The following CCDC50 variants were observed in gnomAD, a reference collection of about 807,000 sequenced individuals.
The protein encoded by CCDC50 is coiled-coil domain containing 50.
In CCDC50, 54 loss-of-function variants were observed where a neutral mutation model predicts 70.2. The ratio of observed to expected loss-of-function variants is 0.77; its 90% CI spans 0.62 to 0.96. The LOEUF is 0.96. Among genes scored for constraint, CCDC50 ranks in the 50% least tolerant of loss-of-function variants. The probability of loss-of-function intolerance (pLI) is 0.00; values close to 1 mark genes in which losing one functional copy is unlikely to be tolerated. For synonymous variants in CCDC50, 216 were observed against 198.8 expected (o/e 1.09, Z -0.73); for missense variants, 558 against 578.7 (o/e 0.96, Z 0.37).
intron 1 of CCDC50, among the ~76,000 whole-genome samples, chr3:191,338,011 T>C (rs1711576240): frequency 1.3e-5 from 2 of 152,124 alleles, no homozygotes; most frequent in African/African-American, 4.8e-5. Context: ...AGTGACCAAA[T>C]ACCAGGGGAG....
At chr3:191,332,211 C>T (rs1337885854) in intron 1 of CCDC50, among the ~76,000 whole-genome samples, 3 of 152,286 alleles carry the variant, frequency 2.0e-5, no homozygotes, top group East Asian at 1.9e-4. Context: ...TAAAAATCTT[C>T]TTTCCTAGGT....
At chr3:191,386,624 A>G (rs1291434638) in intron 10 of CCDC50, among the ~76,000 whole-genome samples, 2 of 152,206 alleles carry the variant, frequency 1.3e-5, no homozygotes, top group Non-Finnish European at 2.9e-5. Flanking sequence ...TAAACAACTT[A>G]AGCATAGTCT....
At chr3:191,335,706 T>C (rs1469328241) in intron 1 of CCDC50, among the ~76,000 whole-genome samples, 1 of 152,170 alleles carries the variant, frequency 6.6e-6, no homozygotes, top group Non-Finnish European at 1.5e-5. Context: ...AGTAAAGACT[T>C]TCTAATAAAC....
rs2108651358 is a variant in CCDC50, at chr3:191,361,076, C to A, written c.247C>A (p.Gln83Lys). Residue 83 changes from glutamine (Q) to lysine (K), a missense_variant, in exon 4 of 12, where the codon CAA becomes AAA. Transcript: ENST00000392455. ...TTCACCTTTGCTTTTTAGTGAACAA[C>A]AAGACTGTGAAATTGCTCAGGAAAT... The part of the protein sequence containing the change: ...LQKRYKDLEQ[Q>K]DCEIAQEIQE... 4 of 1,612,840 alleles carry A rather than the reference C, an allele frequency of 2.5e-6. No homozygotes were observed. The highest frequency in any genetic ancestry group is 3.3e-4 in the Middle Eastern group (2 of 6,058).
At chr3:191,378,322 G>A (rs1204293932) in intron 6 of CCDC50, among the ~76,000 whole-genome samples, 1 of 152,102 alleles carries the variant, frequency 6.6e-6, no homozygotes, top group Non-Finnish European at 1.5e-5. Flanking sequence ...ATGGAATATT[G>A]TCTTTGGTAG....
Position 191,391,771 on chromosome 3 carries a change from A to C in CCDC50, c.*11A>C, listed in dbSNP as rs1176309849. 6.2e-7 allele frequency: 1 copy of C among 1,611,300 alleles called. No individual in the cohort carries two copies. The highest frequency in any genetic ancestry group is 1.1e-5 in the South Asian group (1 of 90,996). ...CATTACAAACATTAAAAACCTAGGA[A>C]TCTGCCTTGAAAATGGACTCACTAT... On this transcript the variant is annotated 3_prime_UTR_variant, in exon 12 of 12. Coordinates refer to ENST00000392455, the MANE Select transcript of CCDC50 (RefSeq NM_178335.3).
chr3:191,371,609 G>A (rs1712915399), intron 5 of CCDC50, among the ~76,000 whole-genome samples: 1 of 152,090 alleles, frequency 6.6e-6, no homozygotes, highest in African/African-American at 2.4e-5. Flanking sequence ...TGTAGATAAT[G>A]GGATTATTAC....
Position 191,371,805 on chromosome 3 carries a change from A to G in CCDC50, c.448+1769A>G, listed in dbSNP as rs115896235. Among the ~76,000 whole-genome samples, 511 of 152,228 alleles carry G rather than the reference A, an allele frequency of 3.4e-3. 4 individuals are homozygous for G. Among genetic ancestry groups the G allele is most frequent in the African/African-American group, 0.012 (489 of 41,556 alleles). On this transcript the variant is annotated intron_variant, in intron 5 of 11. Transcript: ENST00000392455. ...TTATGCTGGTTTTTCTGATGAATCT[A>G]TATGTTATGTCATTTAAAAAGAAAA... is the stretch of plus-strand genomic sequence containing the variant.
chr3:191,374,923 A>G (rs1713040963), intron 5 of CCDC50, 139 bp from the exon 6 acceptor site: 1 of 860,672 alleles, frequency 1.2e-6, no homozygotes, highest in South Asian at 1.4e-5. Context: ...CCTCTTCTCA[A>G]TTTAAGTTGA....
chr3:191,390,091 CCCTCTG>C (rs1481438471), intron 11 of CCDC50, among the ~76,000 whole-genome samples: 1 of 151,924 alleles, frequency 6.6e-6, no homozygotes, highest in Non-Finnish European at 1.5e-5. Context: ...CTCAAGTAAT[CCCTCTG>C]CCTCTGCCTC....
At chr3:191,368,724 AAAG>A (rs1171454856) in intron 4 of CCDC50, among the ~76,000 whole-genome samples, 4 of 152,156 alleles carry the variant, frequency 2.6e-5, no homozygotes, top group African/African-American at 9.6e-5. Context: ...CGATAAATAT[AAAG>A]AAGTAAGTAC....
chr3:191,361,360 G>T (rs1712481575), intron 4 of CCDC50, among the ~76,000 whole-genome samples: 1 of 152,180 alleles, frequency 6.6e-6, no homozygotes, highest in Non-Finnish European at 1.5e-5. Flanking sequence ...GAGAGATAAT[G>T]GATAATTTCA....
chr3:191,382,260 T>G (rs1436202938), intron 9 of CCDC50, among the ~76,000 whole-genome samples: 1 of 152,192 alleles, frequency 6.6e-6, no homozygotes, highest in African/African-American at 2.4e-5. Context: ...ACAGTTCCTC[T>G]CTTGGAAAAG....
At chr3:191,332,226 A>G (rs145599324) in intron 1 of CCDC50, among the ~76,000 whole-genome samples, 37 of 152,312 alleles carry the variant, frequency 2.4e-4, no homozygotes, top group South Asian at 8.3e-4. Context: ...CTAGGTTGAA[A>G]TCTAATGCTT....
intron 7 of CCDC50, 119 bp downstream of exon 7, chr3:191,380,393 T>G: frequency 2.6e-6 from 2 of 760,866 alleles, no homozygotes; most frequent in Non-Finnish European, 4.6e-6. Flanking sequence ...TTTTTATGAG[T>G]GGAAAAATCA....
At chr3:191,378,540 G>A (rs1713195358) in intron 6 of CCDC50, among the ~76,000 whole-genome samples, 1 of 96,582 alleles carries the variant, frequency 1.0e-5, no homozygotes, top group Non-Finnish European at 1.9e-5. Flanking sequence ...GCTTATTGAA[G>A]TATCATTTTT....
chr3:191,372,482 C>T (rs1208723638), intron 5 of CCDC50, among the ~76,000 whole-genome samples: 1 of 152,150 alleles, frequency 6.6e-6, no homozygotes, highest in Non-Finnish European at 1.5e-5. Context: ...AATAATCCTT[C>T]TGGTCTTTGC....
intron 1 of CCDC50, among the ~76,000 whole-genome samples, chr3:191,356,667 T>G (rs1016626028): frequency 1.3e-5 from 2 of 152,248 alleles, no homozygotes; most frequent in Non-Finnish European, 2.9e-5. Context: ...AAGCATAGAT[T>G]AGATTTCTTT....
At position 191,351,658 on chromosome 3, in the gene CCDC50, G is replaced by A. The variant is rs1712110583; in HGVS notation, c.50-5430G>A. Among the ~76,000 whole-genome samples the A allele has an allele frequency of 1.4e-5, 2 of 141,372 alleles. 1 individual carries two copies. The highest frequency in any genetic ancestry group is 1.5e-4 in the Admixed American group (2 of 13,786). The allele number at this position is 141,372 out of a possible 152,430, so 92.7% of individuals were successfully genotyped here. ...TGAGAGACTTCGGAAGCAAATGCAA[G>A]AAGAGAAAAAATATAAGAGATAGAG... On this transcript the variant is annotated intron_variant, in intron 1 of 11. Transcript: ENST00000392455.
Sources: allele counts gnomAD v4.1 joint callset (sites outside exome capture counted in the v4.1 genomes callset), GRCh38; gene constraint gnomAD v4.1.1; transcripts MANE v1.5; gene names NCBI Gene and HGNC (gene_info 2026-07-23, HGNC 2026-07-21).